The following EPB41L1 variants were observed in gnomAD, a reference collection of about 807,000 sequenced individuals.
EPB41L1 encodes the protein band 4.1-like protein 1.
Under a neutral mutation model 97.8 loss-of-function variants are expected in EPB41L1, and 29 were observed. The observed-to-expected ratio is 0.30, with a 90% CI of 0.22 to 0.40. EPB41L1 has a LOEUF of 0.40. EPB41L1 is among the 10% of genes least tolerant of loss of function. EPB41L1 has a pLI of 1.00. For missense variants in EPB41L1, 812 were observed against 1,162.3 expected, an observed-to-expected ratio of 0.70 and a Z score of 4.38; for synonymous variants, 383 against 459.2, an observed-to-expected ratio of 0.83 and a Z score of 2.12.
Position 36,093,563 on chromosome 20 carries a change from CT to C in EPB41L1, c.-65+1952del, listed in dbSNP as rs1335511348. On this transcript the variant is annotated intron_variant, in intron 1 of 19. Transcript: ENST00000202028. This position sits in a 1 kb window ranked among gnomAD's most constrained non-coding sequence, Gnocchi z 5.4. ...CCCTTCCCCGTCGGGCAGAGACTCCCTGCTGGCAGGTGGGCGGCCACACCCC... is the reference window on the plus strand; with the variant it reads ...CCCTTCCCCGTCGGGCAGAGACTCCCGCTGGCAGGTGGGCGGCCACACCCC... 1.3e-5 allele frequency among the ~76,000 whole-genome samples: 2 copies of C among 152,078 alleles called. No individual in the cohort carries two copies. The highest frequency in any genetic ancestry group is 1.3e-4 in the Admixed American group (2 of 15,284).
At position 36,092,144 on chromosome 20, in the gene EPB41L1, CGGCGTGGAAAAGGGTG is replaced by C. The variant is rs1253955314; in HGVS notation, c.-65+540_-65+555del. Among the ~76,000 whole-genome samples, 1 of 152,020 alleles carries C rather than the reference CGGCGTGGAAAAGGGTG, an allele frequency of 6.6e-6. No individual in the cohort carries two copies. Among genetic ancestry groups the C allele is most frequent in the Non-Finnish European group, 1.5e-5 (1 of 67,978 alleles). Reference sequence around the variant, plus strand: ...CCTGGCCGCGGGAACAATGGGAGCGCGGCGTGGAAAAGGGTGGGCGTGGGCCAGGTCCTGGCTGGAG... The same window carrying C: ...CCTGGCCGCGGGAACAATGGGAGCGCGGCGTGGGCCAGGTCCTGGCTGGAG... On this transcript the variant is annotated intron_variant, in intron 1 of 19. Transcript: ENST00000202028. This position sits in a 1 kb window ranked among gnomAD's most constrained non-coding sequence, Gnocchi z 7.0.
intron 2 of EPB41L1, among the ~76,000 whole-genome samples, chr20:36,145,788 T>G (rs182115668): frequency 1.3e-5 from 2 of 152,290 alleles, no homozygotes; most frequent in African/African-American, 4.8e-5. Flanking sequence ...AAATTTAAAT[T>G]TAAATAATCA....
intron 2 of EPB41L1, among the ~76,000 whole-genome samples, chr20:36,147,548 C>T (rs921351284): frequency 1.3e-5 from 2 of 152,222 alleles, no homozygotes; most frequent in African/African-American, 4.8e-5. Flanking sequence ...TCAGTTTCCT[C>T]CCCTGTAAAA....
At position 36,179,665 on chromosome 20, in the gene EPB41L1, C is replaced by T. The variant is rs567608233; in HGVS notation, c.490+993C>T. 7.2e-5 allele frequency among the ~76,000 whole-genome samples: 11 copies of T among 152,354 alleles called. No individual in the cohort carries two copies. The East Asian group carries it at 1.9e-3, about 27-fold the overall frequency. On this transcript the variant is annotated intron_variant, in intron 5 of 21. Coordinates refer to ENST00000338074, the MANE Select transcript of EPB41L1 (RefSeq NM_012156.2). ...GGCAGAGATGCCTCCACCCAGGGCC[C>T]CTCCCCCTTGGCTGTGGTTGGTCTC...
chr20:36,127,158 A>G (rs957999758), intron 2 of EPB41L1, among the ~76,000 whole-genome samples: 1 of 152,224 alleles, frequency 6.6e-6, no homozygotes, highest in Admixed American at 6.5e-5. Context: ...GCTCAGAGAT[A>G]TGACTGAAGT....
At chr20:36,125,459 A>T (rs2058925160) in intron 2 of EPB41L1, 1 of 996,860 alleles carries the variant, frequency 1.0e-6, no homozygotes, top group Non-Finnish European at 1.5e-6. Flanking sequence ...TTTCTTGGGG[A>T]GGATCAATGA....
intron 2 of EPB41L1, among the ~76,000 whole-genome samples, chr20:36,113,532 A>C (rs997324116): frequency 2.7e-5 from 4 of 147,438 alleles, no homozygotes; most frequent in Non-Finnish European, 4.5e-5. Flanking sequence ...GACAGGTAGA[A>C]TGAATGGTGG....
At chr20:36,123,907 T>C (rs997432319) in intron 2 of EPB41L1, among the ~76,000 whole-genome samples, 3 of 152,196 alleles carry the variant, frequency 2.0e-5, no homozygotes, top group East Asian at 1.9e-4. Context: ...ATACACCATC[T>C]ATATTCCCAA....
intron 1 of EPB41L1, among the ~76,000 whole-genome samples, chr20:36,164,612 G>T (rs928880160): frequency 2.0e-5 from 3 of 152,166 alleles, no homozygotes; most frequent in African/African-American, 7.2e-5. Flanking sequence ...CATGCTTCTT[G>T]TGTACATGTC....
At chr20:36,142,271 G>A (rs1569117520) in intron 2 of EPB41L1, among the ~76,000 whole-genome samples, 1 of 152,108 alleles carries the variant, frequency 6.6e-6, no homozygotes, top group African/African-American at 2.4e-5. Context: ...GTGTGGCTGC[G>A]TAGTATTTCA....
intron 12 of EPB41L1, 143 bp downstream of exon 12, chr20:36,194,503 T>C (rs2062099421): frequency 6.8e-6 from 8 of 1,168,742 alleles, no homozygotes; most frequent in Admixed American, 2.0e-5. Flanking sequence ...GCCTTGCCTT[T>C]GGGTCATCTC....
chr20:36,174,911 C>A (rs2061160195), intron 2 of EPB41L1, among the ~76,000 whole-genome samples: 1 of 152,150 alleles, frequency 6.6e-6, no homozygotes, highest in Admixed American at 6.5e-5. Context: ...TATTTTCCTA[C>A]CCCTGAACCT....
chr20:36,186,778 A>T (rs2061700460), intron 7 of EPB41L1, among the ~76,000 whole-genome samples: 1 of 152,214 alleles, frequency 6.6e-6, no homozygotes, highest in South Asian at 2.1e-4. Context: ...GGCTGTCCCT[A>T]AAGCTCTTTG....
chr20:36,186,628 G>A (rs2061692674), intron 7 of EPB41L1, among the ~76,000 whole-genome samples: 1 of 152,180 alleles, frequency 6.6e-6, no homozygotes, highest in Admixed American at 6.5e-5. Context: ...ATCCACCTGG[G>A]CATAGGAATA....
intron 1 of EPB41L1, among the ~76,000 whole-genome samples, chr20:36,160,271 T>A (rs1406256994): frequency 6.6e-6 from 1 of 152,130 alleles, no homozygotes; most frequent in East Asian, 1.9e-4. Context: ...ACAAAAAAAA[T>A]TTGTGGAAAA....
In EPB41L1 at chr20:36,206,177, C is replaced by T; in HGVS notation, c.1669-3311C>T. On this transcript the variant is annotated intron_variant, in intron 14 of 21. Coordinates refer to ENST00000338074, the MANE Select transcript of EPB41L1 (RefSeq NM_012156.2). The surrounding 1 kb of genome is among the most constrained non-coding windows in gnomAD (Gnocchi z 5.5). ...GCCCTGGCTTCCGGCCGCACATTGG[C>T]AGAAAAGCTCCTCGAGGGCTCTGAG... is the stretch of plus-strand genomic sequence containing the variant. 1 of 1,289,854 alleles carries T rather than the reference C, an allele frequency of 7.8e-7. No individual in the cohort carries two copies. The highest frequency in any genetic ancestry group is 1.0e-6 in the Non-Finnish European group (1 of 988,884). The allele number at this position is 1,289,854 out of a possible 1,614,324, so 79.9% of individuals were successfully genotyped here.
In EPB41L1 at chr20:36,211,723, A is replaced by G. The variant is rs141771895; in HGVS notation, c.2080-549A>G. On this transcript the variant is annotated intron_variant, in intron 15 of 21. Transcript: ENST00000338074. ...ACAAAAGTTAGCCGGGTGTGGTGGC[A>G]TGAGCCTGTAGTGCCAGCTACCTGG... 7.8e-3 allele frequency among the ~76,000 whole-genome samples: 1,181 copies of G among 152,194 alleles called. 15 individuals carry two copies. The highest frequency in any genetic ancestry group is 0.02 in the South Asian group (96 of 4,820).
chr20:36,125,712 G>A (rs2058937225), intron 2 of EPB41L1, among the ~76,000 whole-genome samples: 1 of 152,186 alleles, frequency 6.6e-6, no homozygotes, highest in South Asian at 2.1e-4. Context: ...CCAGGAGCTG[G>A]CACTTTATCT....
At chr20:36,131,924 C>T (rs2059225189) in intron 2 of EPB41L1, among the ~76,000 whole-genome samples, 1 of 152,154 alleles carries the variant, frequency 6.6e-6, no homozygotes, top group Non-Finnish European at 1.5e-5. Flanking sequence ...TCCCTTTCCT[C>T]CCAGAGCCGT....
Sources: gnomAD v4.1 joint callset for allele counts (sites outside exome capture counted in the v4.1 genomes callset) on GRCh38, gnomAD v4.1.1 for gene constraint, Gnocchi (gnomAD v3.1) non-coding constraint, MANE v1.5 for transcripts, NCBI Gene and HGNC (gene_info 2026-07-23, HGNC 2026-07-21) for gene names.